Variants in FILIP1L observed in about 807,000 individuals in gnomAD.
FILIP1L encodes the protein filamin A interacting protein 1 like.
FILIP1L carries 55 observed loss-of-function variants against 96.6 expected under a neutral mutation model. The ratio of observed to expected loss-of-function variants is 0.57; its 90% CI spans 0.46 to 0.71. The LOEUF (loss-of-function observed/expected upper bound fraction) is 0.71, where lower values mean the gene tolerates loss of function less well. Ranked by LOEUF, FILIP1L falls within the 30% of genes least tolerant of loss-of-function variation. The probability of loss-of-function intolerance (pLI) is 0.00; values close to 1 mark genes in which losing one functional copy is unlikely to be tolerated. For synonymous variants in FILIP1L, 467 were observed against 473.9 expected (o/e 0.99, Z 0.19); for missense variants, 1,304 against 1,321.2 (o/e 0.99, Z 0.20).
chr3:100,107,320 G>GA (rs760888125), intron 1 of FILIP1L, among the ~76,000 whole-genome samples: 22 of 152,126 alleles, frequency 1.4e-4, no homozygotes, highest in African/African-American at 5.3e-4. Context: ...TGCCATCTGG[G>GA]AAAATGACAA....
chr3:100,073,120 A>G (rs2065789947), intron 1 of FILIP1L, among the ~76,000 whole-genome samples: 1 of 152,226 alleles, frequency 6.6e-6, no homozygotes, highest in South Asian at 2.1e-4. Flanking sequence ...CTTTTTAAGA[A>G]TGCTGTTATA....
At chr3:100,014,891 C>CTTTCTTTTTTTTTTTTTTTTTTTTTT (rs1710285568) in intron 1 of FILIP1L, among the ~76,000 whole-genome samples, 3 of 27,228 alleles carry the variant, frequency 1.1e-4, no homozygotes, top group African/African-American at 3.0e-4. Context: ...TTTTTTCTTT[C>CTTTCTTTTTTTTTTTTTTTTTTTTTT]TTTCTTTTTT....
At chr3:100,082,625 G>C (rs751821850) in intron 1 of FILIP1L, among the ~76,000 whole-genome samples, 1 of 152,098 alleles carries the variant, frequency 6.6e-6, no homozygotes, top group Non-Finnish European at 1.5e-5. Flanking sequence ...CTGGGAAACA[G>C]GGTCCCACAG....
At chr3:99,895,916 C>T (rs1364482230) in intron 4 of FILIP1L, among the ~76,000 whole-genome samples, 6 of 152,126 alleles carry the variant, frequency 3.9e-5, no homozygotes, top group Non-Finnish European at 5.9e-5. Context: ...CAAAGGAACC[C>T]ATCATCTATG....
At chr3:99,958,224 T>G (rs1347166389) in intron 1 of FILIP1L, among the ~76,000 whole-genome samples, 1 of 146,546 alleles carries the variant, frequency 6.8e-6, no homozygotes. Flanking sequence ...TTATTATTAT[T>G]ATTATTATTA....
intron 4 of FILIP1L, among the ~76,000 whole-genome samples, chr3:99,903,932 A>G (rs1041197611): frequency 7.2e-5 from 11 of 152,238 alleles, no homozygotes; most frequent in African/African-American, 2.4e-4. Context: ...ATTTGGTAAT[A>G]GAAAAATATG....
chr3:100,018,712 C>G (rs1710415275), intron 1 of FILIP1L, among the ~76,000 whole-genome samples: 1 of 124,272 alleles, frequency 8.0e-6, no homozygotes, highest in African/African-American at 3.1e-5. Flanking sequence ...GAAATTACAT[C>G]AAACTTAAAA....
intron 1 of FILIP1L, among the ~76,000 whole-genome samples, chr3:100,046,180 A>T (rs566957170): frequency 1.3e-5 from 2 of 152,114 alleles, no homozygotes; most frequent in Non-Finnish European, 2.9e-5. Context: ...GGCACTGATA[A>T]CTCTATGAAT....
chr3:99,966,348 C>T lies in FILIP1L; in HGVS notation c.-10-35318G>A, dbSNP rs951828093. Among the ~76,000 whole-genome samples, 11 of 152,216 alleles carry T rather than the reference C, an allele frequency of 7.2e-5. No homozygotes were observed. In the East Asian group the frequency reaches 9.7e-4, roughly 13 times the overall value. ...CCCTTCCTTTCTGTTTCTTTCATAGCCCCACTGCTCCATCTGAAGCCTGAA... is the reference window on the plus strand; with the variant it reads ...CCCTTCCTTTCTGTTTCTTTCATAGTCCCACTGCTCCATCTGAAGCCTGAA... On this transcript the variant is annotated intron_variant, in intron 1 of 5. Coordinates refer to ENST00000477258, the MANE Select transcript of FILIP1L (RefSeq NM_001387850.1).
rs145579308 is a variant in FILIP1L at position 100,050,951 on chromosome 3, A to G, written c.-11+63102T>C. Among the ~76,000 whole-genome samples, 56 of 152,346 alleles carry G rather than the reference A, an allele frequency of 3.7e-4. 1 individual carries two copies. Among genetic ancestry groups the G allele is most frequent in the Middle Eastern group, 3.4e-3 (1 of 294 alleles). On this transcript the variant is annotated intron_variant, in intron 1 of 5. Coordinates refer to ENST00000477258, the MANE Select transcript of FILIP1L (RefSeq NM_001387850.1). ...TCTTCAAGAATTTGATCCAAAAGTC[A>G]GCTCTATAATGCCCTCTACCAAACT... is the stretch of plus-strand genomic sequence containing the variant.
At chr3:99,960,494 G>A (rs1446557407) in intron 1 of FILIP1L, among the ~76,000 whole-genome samples, 1 of 152,184 alleles carries the variant, frequency 6.6e-6, no homozygotes, top group Non-Finnish European at 1.5e-5. Flanking sequence ...GCAACATTCT[G>A]ATTAGGAATA....
At chr3:99,925,942 A>G in intron 3 of FILIP1L, 1 of 938,524 alleles carries the variant, frequency 1.1e-6, no homozygotes, top group African/African-American at 1.8e-5. Flanking sequence ...GGCAAGAGCT[A>G]ACTCGGGATC....
intron 1 of FILIP1L, among the ~76,000 whole-genome samples, chr3:100,052,074 A>C (rs2065383918): frequency 6.6e-6 from 1 of 152,026 alleles, no homozygotes; most frequent in African/African-American, 2.4e-5. Context: ...CATATGTGTT[A>C]TTTGTCACAT....
Position 100,098,598 on chromosome 3 carries a change from C to T in FILIP1L, c.-11+15455G>A, listed in dbSNP as rs1369728589. Reference sequence around the variant, plus strand: ...CTCTTGCTGCTAATCAATACCAGTACATGCAAGGAAGTTATTTTTGTGCAT... The same window carrying T: ...CTCTTGCTGCTAATCAATACCAGTATATGCAAGGAAGTTATTTTTGTGCAT... On this transcript the variant is annotated intron_variant, in intron 1 of 5. Coordinates refer to ENST00000477258, the MANE Select transcript of FILIP1L (RefSeq NM_001387850.1). Among the ~76,000 whole-genome samples the T allele has an allele frequency of 2.0e-5, 3 of 152,188 alleles. No individual in the cohort carries two copies. In the East Asian group the frequency reaches 5.8e-4, roughly 29 times the overall value.
chr3:99,831,118 A>G (rs1266588896), intron 5 of FILIP1L, among the ~76,000 whole-genome samples: 1 of 152,240 alleles, frequency 6.6e-6, no homozygotes, highest in African/African-American at 2.4e-5. Context: ...GTAGAGAGGC[A>G]GTCAAGGATA....
intron 1 of FILIP1L, among the ~76,000 whole-genome samples, chr3:100,044,545 A>G (rs1413501380): frequency 6.6e-6 from 1 of 152,188 alleles, no homozygotes; most frequent in Non-Finnish European, 1.5e-5. Context: ...GAGGAACTGA[A>G]AAAAGTCAAG....
intron 1 of FILIP1L, among the ~76,000 whole-genome samples, chr3:99,983,057 G>A (rs758292211): frequency 5.9e-5 from 9 of 152,022 alleles, no homozygotes; most frequent in Non-Finnish European, 1.0e-4. Context: ...TACCCATCAG[G>A]AATAACACAT....
chr3:99,913,543 G>A (rs1706859607), intron 4 of FILIP1L, among the ~76,000 whole-genome samples: 1 of 152,068 alleles, frequency 6.6e-6, no homozygotes, highest in South Asian at 2.1e-4. Flanking sequence ...CTCATAAGGT[G>A]GCCTGGCTAA....
At chr3:100,076,128 A>T (rs11708650) in intron 1 of FILIP1L, among the ~76,000 whole-genome samples, 11 of 152,330 alleles carry the variant, frequency 7.2e-5, no homozygotes, top group African/African-American at 1.2e-4. Flanking sequence ...ATTAAGAAAT[A>T]TATTTGTTAG....
Sources: gnomAD v4.1 joint callset for allele counts (sites outside exome capture counted in the v4.1 genomes callset) on GRCh38, gnomAD v4.1.1 for gene constraint, MANE v1.5 for transcripts, NCBI Gene and HGNC (gene_info 2026-07-23, HGNC 2026-07-21) for gene names.